Variants in NCKAP5 observed in about 807,000 individuals in gnomAD.
NCKAP5 encodes the protein nck-associated protein 5.
NCKAP5 carries 92 observed loss-of-function variants against 167.0 expected under a neutral mutation model. The ratio of observed to expected loss-of-function variants is 0.55; its 90% CI spans 0.47 to 0.66. The LOEUF (loss-of-function observed/expected upper bound fraction) is 0.66, where lower values mean the gene tolerates loss of function less well. Among genes scored for constraint, NCKAP5 ranks in the 30% least tolerant of loss-of-function variants. The pLI is 0.00. For synonymous variants in NCKAP5, 891 were observed against 877.4 expected (o/e 1.02, Z -0.27); for missense variants, 2,378 against 2,315.0 (o/e 1.03, Z -0.56).
At chr2:133,163,785 T>C (rs1003236779) in intron 5 of NCKAP5, among the ~76,000 whole-genome samples, 3 of 152,168 alleles carry the variant, frequency 2.0e-5, no homozygotes, top group Admixed American at 6.5e-5. Flanking sequence ...ATCCTCACAC[T>C]TGAACTTCAA....
intron 6 of NCKAP5, among the ~76,000 whole-genome samples, chr2:133,096,853 G>C (rs2081358998): frequency 6.6e-6 from 1 of 152,176 alleles, no homozygotes; most frequent in Non-Finnish European, 1.5e-5. Context: ...TGCCAATATT[G>C]TGATAACTTG....
intron 3 of NCKAP5, among the ~76,000 whole-genome samples, chr2:133,372,687 C>T (rs1280067217): frequency 6.6e-6 from 1 of 152,190 alleles, no homozygotes; most frequent in African/African-American, 2.4e-5. Context: ...CTGTTCGAGA[C>T]CAACTGTATA....
intron 8 of NCKAP5, among the ~76,000 whole-genome samples, chr2:132,915,149 G>C (rs1183394177): frequency 2.6e-5 from 4 of 152,032 alleles, no homozygotes; most frequent in African/African-American, 4.8e-5. Context: ...AGACCGGATG[G>C]ACCATTTGAT....
intron 4 of NCKAP5, among the ~76,000 whole-genome samples, chr2:133,230,365 G>C (rs1055647991): frequency 6.6e-6 from 1 of 152,130 alleles, no homozygotes; most frequent in African/African-American, 2.4e-5. Flanking sequence ...TAGCGTTGCT[G>C]TGGGCATTAA....
At chr2:133,368,118 C>T (rs1321926655) in intron 3 of NCKAP5, among the ~76,000 whole-genome samples, 3 of 152,166 alleles carry the variant, frequency 2.0e-5, no homozygotes, top group Non-Finnish European at 4.4e-5. Flanking sequence ...ATGCCCTTTT[C>T]AGCAGTCAAT....
At chr2:133,638,613 G>A in the NCKAP5 span, among the ~76,000 whole-genome samples, 4 of 152,156 alleles carry the variant, frequency 2.6e-5, no homozygotes, top group Admixed American at 6.5e-5. Context: ...TAATCCCAGC[G>A]CTTTAGGAGG....
chr2:133,092,945 A>G (rs2081234876), intron 6 of NCKAP5, among the ~76,000 whole-genome samples: 2 of 152,212 alleles, frequency 1.3e-5, no homozygotes, highest in African/African-American at 4.8e-5. Flanking sequence ...TACTACACAG[A>G]ACAGCTCAGG....
chr2:133,193,082 G>C (rs1029297190), intron 5 of NCKAP5, among the ~76,000 whole-genome samples: 4 of 152,036 alleles, frequency 2.6e-5, no homozygotes, highest in African/African-American at 9.7e-5. Flanking sequence ...GAGAAACAAT[G>C]CTTCATGCAT....
At chr2:132,883,234 ACAC>A (rs1458969880) in intron 8 of NCKAP5, among the ~76,000 whole-genome samples, 38 of 151,598 alleles carry the variant, frequency 2.5e-4, no homozygotes, top group African/African-American at 8.5e-4. Context: ...ACACACACAC[ACAC>A]GACACCCACC....
At chr2:132,712,387 C>G (rs1409208060) in intron 19 of NCKAP5, among the ~76,000 whole-genome samples, 2 of 152,184 alleles carry the variant, frequency 1.3e-5, no homozygotes, top group Non-Finnish European at 2.9e-5. Flanking sequence ...CGGGGTGGCT[C>G]ACTCCTGTAA....
chr2:132,979,983 TC>T, intron 7 of NCKAP5, among the ~76,000 whole-genome samples: 1 of 147,468 alleles, frequency 6.8e-6, no homozygotes, highest in Non-Finnish European at 1.5e-5. Context: ...TTTTTCTTTT[TC>T]TTTTTCTTTT....
chr2:132,923,082 G>C (rs2149014612), intron 8 of NCKAP5, among the ~76,000 whole-genome samples: 1 of 152,244 alleles, frequency 6.6e-6, no homozygotes, highest in South Asian at 2.1e-4. Flanking sequence ...AACTAATCCA[G>C]CTACAGTCCT....
rs2078209641 is a variant in NCKAP5 at position 133,012,850 on chromosome 2, CCTGT to C, written c.342-18615_342-18612del. 4.6e-5 allele frequency among the ~76,000 whole-genome samples: 7 copies of C among 152,162 alleles called. No homozygotes were observed. The South Asian group carries it at 1.5e-3, about 32-fold the overall frequency. On this transcript the variant is annotated intron_variant, in intron 6 of 19. Coordinates refer to ENST00000409261, the MANE Select transcript of NCKAP5 (RefSeq NM_207363.3). The stretch of plus-strand genomic sequence containing the variant: ...CCAAACCTAAATCTCCAAGCCTACA[CCTGT>C]CTTTCCCATTACCTACTGGGCATAC...
the NCKAP5 span, among the ~76,000 whole-genome samples, chr2:133,641,273 A>G: frequency 6.6e-6 from 1 of 152,172 alleles, no homozygotes; most frequent in Non-Finnish European, 1.5e-5. Context: ...GAAGTTCTCT[A>G]TTCTTCCTTC....
chr2:132,743,898 C>T (rs2105611840), intron 16 of NCKAP5, among the ~76,000 whole-genome samples: 1 of 151,502 alleles, frequency 6.6e-6, no homozygotes, highest in South Asian at 2.1e-4. Context: ...AGTCACTATG[C>T]TAATATCAGA....
intron 8 of NCKAP5, among the ~76,000 whole-genome samples, chr2:132,939,250 G>A (rs994071039): frequency 6.6e-6 from 1 of 152,138 alleles, no homozygotes; most frequent in Admixed American, 6.5e-5. Flanking sequence ...AGTTGAGAGG[G>A]CAGTACACTA....
the NCKAP5 span, among the ~76,000 whole-genome samples, chr2:133,593,979 G>A: frequency 6.6e-6 from 1 of 152,208 alleles, no homozygotes; most frequent in African/African-American, 2.4e-5. Context: ...ACCAGGCCCA[G>A]GTGGAGCCTC....
chr2:133,500,082 C>T (rs1241853074), intron 3 of NCKAP5, among the ~76,000 whole-genome samples: 1 of 151,992 alleles, frequency 6.6e-6, no homozygotes, highest in African/African-American at 2.4e-5. Flanking sequence ...GGGGAAAACA[C>T]AGAATCTTAT....
At chr2:132,953,268 C>A (rs1273793249) in intron 8 of NCKAP5, among the ~76,000 whole-genome samples, 1 of 152,116 alleles carries the variant, frequency 6.6e-6, no homozygotes, top group Admixed American at 6.5e-5. Context: ...TTTGTCTAGG[C>A]AATTCCCTCT....
Sources: gnomAD v4.1 joint callset for allele counts (sites outside exome capture counted in the v4.1 genomes callset) on GRCh38, gnomAD v4.1.1 for gene constraint, MANE v1.5 for transcripts, NCBI Gene and HGNC (gene_info 2026-07-23, HGNC 2026-07-21) for gene names.